SEPTIN9: variants seen among roughly 807,000 people sequenced by gnomAD.
SEPTIN9 encodes septin-9.
Under a neutral mutation model 56.6 loss-of-function variants are expected in SEPTIN9, and 13 were observed. The observed-to-expected ratio is 0.23, with a 90% CI of 0.15 to 0.37. The LOEUF (loss-of-function observed/expected upper bound fraction) is 0.37. Among genes scored for constraint, SEPTIN9 ranks in the 10% least tolerant of loss-of-function variants. The pLI is 1.00. For missense variants in SEPTIN9, 650 were observed against 823.1 expected, an observed-to-expected ratio of 0.79 and a Z score of 2.57; for synonymous variants, 332 against 334.1, an observed-to-expected ratio of 0.99 and a Z score of 0.07.
At position 77,425,394 on chromosome 17, in the gene SEPTIN9, C is replaced by T. The variant is rs1169358651; in HGVS notation, c.721+22691C>T. Among the ~76,000 whole-genome samples the T allele has an allele frequency of 3.9e-5, 6 of 152,164 alleles. No individual in the cohort carries two copies. The highest frequency in any genetic ancestry group is 5.9e-5 in the Non-Finnish European group (4 of 68,030). Reference sequence around the variant, plus strand: ...CCCGCACCTGAGGGCTTCAGAGGTCCGGGAGGGGGATGTGACCGTGTCCCC... The same window carrying T: ...CCCGCACCTGAGGGCTTCAGAGGTCTGGGAGGGGGATGTGACCGTGTCCCC... On this transcript the variant is annotated intron_variant, in intron 3 of 11. Transcript: ENST00000427177. This position sits in a 1 kb window ranked among gnomAD's most constrained non-coding sequence, Gnocchi z 4.2.
chr17:77,354,651 T>C lies in SEPTIN9; in HGVS notation c.77-47408T>C, dbSNP rs411864. ...GGCTCCCAGCAGCTGGGGTGGATCA[T>C]TTCTCCTCCCAAGAAGCTTTGGGAG... On this transcript the variant is annotated intron_variant, in intron 2 of 11. Transcript: ENST00000427177. Among the ~76,000 whole-genome samples, 649 of 152,152 alleles carry C rather than the reference T, an allele frequency of 4.3e-3. 6 individuals carry two copies. Among genetic ancestry groups the C allele is most frequent in the African/African-American group, 0.015 (614 of 41,522 alleles).
chr17:77,337,786 C>T lies in SEPTIN9; in HGVS notation c.76+30589C>T, dbSNP rs1161503962. ...TTTCAGGTAAGTTGTTGAATTTACT[C>T]ATTTAAAGTTGTTCGTAATACAAGC... On this transcript the variant is annotated intron_variant, in intron 2 of 11. Coordinates refer to ENST00000427177, the MANE Select transcript of SEPTIN9 (RefSeq NM_001113491.2). Among the ~76,000 whole-genome samples, 4 of 152,290 alleles carry T rather than the reference C, an allele frequency of 2.6e-5. No homozygotes were observed. In the East Asian group the frequency reaches 5.8e-4, roughly 22 times the overall value.
At chr17:77,388,810 C>CTTTTTTTTTTTTTTTTT (rs5822196) in intron 2 of SEPTIN9, among the ~76,000 whole-genome samples, 15 of 78,052 alleles carry the variant, frequency 1.9e-4, no homozygotes, top group African/African-American at 3.0e-4. Flanking sequence ...GTGTTAGGCG[C>CTTTTTTTTTTTTTTTTT]TTTTTTTTTT....
chr17:77,433,080 G>A lies in SEPTIN9; in HGVS notation c.721+30377G>A, dbSNP rs942204052. ...TGCTCCGACAGGATGCTTTTGGCCTGAGAGACAGAAACCCCAACTCTGAAT... is the reference window on the plus strand; with the variant it reads ...TGCTCCGACAGGATGCTTTTGGCCTAAGAGACAGAAACCCCAACTCTGAAT... On this transcript the variant is annotated intron_variant, in intron 3 of 11. Coordinates refer to ENST00000427177, the MANE Select transcript of SEPTIN9 (RefSeq NM_001113491.2). This position sits in a 1 kb window ranked among gnomAD's most constrained non-coding sequence, Gnocchi z 6.4. Among the ~76,000 whole-genome samples the A allele has an allele frequency of 2.6e-5, 4 of 152,206 alleles. No individual in the cohort carries two copies. The highest frequency in any genetic ancestry group is 5.9e-5 in the Non-Finnish European group (4 of 68,026).
intron 2 of SEPTIN9, among the ~76,000 whole-genome samples, chr17:77,386,134 A>G (rs1432655903): frequency 6.6e-6 from 1 of 152,198 alleles, no homozygotes; most frequent in East Asian, 1.9e-4. Context: ...TTCCCACGCA[A>G]GCAGCCATGC....
At chr17:77,283,803 G>A (rs1173424424) in intron 1 of SEPTIN9, among the ~76,000 whole-genome samples, 1 of 152,188 alleles carries the variant, frequency 6.6e-6, no homozygotes, top group African/African-American at 2.4e-5. Flanking sequence ...GACAGTCATC[G>A]AAGACACTTT....
chr17:77,297,623 C>G (rs1014667375), intron 1 of SEPTIN9, among the ~76,000 whole-genome samples: 1 of 152,228 alleles, frequency 6.6e-6, no homozygotes, highest in African/African-American at 2.4e-5. Context: ...ATCGTTCTTT[C>G]AGGCTCCTTC....
At chr17:77,299,990 G>A (rs1245441817) in intron 1 of SEPTIN9, among the ~76,000 whole-genome samples, 1 of 152,230 alleles carries the variant, frequency 6.6e-6, no homozygotes, top group Non-Finnish European at 1.5e-5. Flanking sequence ...GCCTCCTTTG[G>A]TTGGCATTTT....
In SEPTIN9 at chr17:77,445,433, G is replaced by A. The variant is rs1335055536; in HGVS notation, c.722-36711G>A. 2.1e-6 allele frequency: 1 copy of A among 470,222 alleles called. No homozygotes were observed. The highest frequency in any genetic ancestry group is 4.4e-6 in the Non-Finnish European group (1 of 226,946). The allele number at this position is 470,222 out of a possible 1,614,324, so 29.1% of individuals were successfully genotyped here. A position where few individuals can be genotyped will look rare whatever the true frequency, so the allele number is the denominator to read the frequency against. On this transcript the variant is annotated intron_variant, in intron 3 of 11. Transcript: ENST00000427177. This position sits in a 1 kb window ranked among gnomAD's most constrained non-coding sequence, Gnocchi z 4.7. The stretch of plus-strand genomic sequence containing the variant: ...AGAGTTGGCAGGAAGGCTGAGCTCT[G>A]TGCTCACAACCTGGCTTGGTGGTGG...
intron 3 of SEPTIN9, among the ~76,000 whole-genome samples, chr17:77,413,012 G>A (rs982560926): frequency 6.6e-6 from 1 of 151,910 alleles, no homozygotes; most frequent in African/African-American, 2.4e-5. Context: ...AATGTATTTT[G>A]GTTTCAGCAG....
chr17:77,351,612 C>T (rs1341232456), intron 2 of SEPTIN9, among the ~76,000 whole-genome samples: 1 of 152,194 alleles, frequency 6.6e-6, no homozygotes. Flanking sequence ...GGCCCCAGGG[C>T]CCTTGGAGGC....
At chr17:77,466,416 G>A (rs2038732402) in intron 3 of SEPTIN9, 2 of 985,444 alleles carry the variant, frequency 2.0e-6, no homozygotes, top group South Asian at 9.4e-5. Context: ...AAGGGCCTGG[G>A]AGGGGACAGG....
rs2033128251 is a variant in SEPTIN9 at position 77,326,075 on chromosome 17, C to T, written c.76+18878C>T. On this transcript the variant is annotated intron_variant, in intron 2 of 11. Transcript: ENST00000427177. This position sits in a 1 kb window ranked among gnomAD's most constrained non-coding sequence, Gnocchi z 5.1. ...AGCACTTGCCATCCTTATACAGCAC[C>T]CCACACCCACCTCCCCGCCTCCTAC... is the stretch of plus-strand genomic sequence containing the variant. 6.6e-6 allele frequency among the ~76,000 whole-genome samples: 1 copy of T among 152,090 alleles called. No homozygotes were observed.
At chr17:77,469,954 C>T in intron 3 of SEPTIN9, among the ~76,000 whole-genome samples, 1 of 150,356 alleles carries the variant, frequency 6.7e-6, no homozygotes, top group East Asian at 2.0e-4. Flanking sequence ...TGCCCATCCA[C>T]TCACCCACCC....
At chr17:77,336,313 C>T (rs2033552166) in intron 2 of SEPTIN9, among the ~76,000 whole-genome samples, 1 of 152,058 alleles carries the variant, frequency 6.6e-6, no homozygotes, top group Non-Finnish European at 1.5e-5. Context: ...ATCTGTAGAT[C>T]AATTAAGGAA....
intron 1 of SEPTIN9, among the ~76,000 whole-genome samples, chr17:77,306,432 C>T (rs954730334): frequency 7.2e-5 from 11 of 152,208 alleles, no homozygotes; most frequent in African/African-American, 2.7e-4. Flanking sequence ...GGCTTAGCAC[C>T]TCAGCAAATC....
In SEPTIN9 at chr17:77,405,209, A is replaced by G; in HGVS notation, c.721+2506A>G. The G allele has an allele frequency of 4.3e-6, 6 of 1,385,676 alleles. No individual in the cohort carries two copies. The South Asian group carries it at 5.0e-5, about 12-fold the overall frequency. 85.8% of individuals were successfully genotyped at this position (1,385,676 alleles called of 1,614,324 possible). Reference sequence around the variant, plus strand: ...GGGGCAGACACAGTTTAGCCCCTAAATTGTGCCAGAGACTGTGCCGGGAGC... The same window carrying G: ...GGGGCAGACACAGTTTAGCCCCTAAGTTGTGCCAGAGACTGTGCCGGGAGC... On this transcript the variant is annotated intron_variant, in intron 3 of 11. Transcript: ENST00000427177. The surrounding 1 kb of genome is among the most constrained non-coding windows in gnomAD (Gnocchi z 5.8).
chr17:77,313,862 C>G lies in SEPTIN9; in HGVS notation c.76+6665C>G, dbSNP rs1203234404. 1.3e-5 allele frequency among the ~76,000 whole-genome samples: 2 copies of G among 152,024 alleles called. No homozygotes were observed. Among genetic ancestry groups the G allele is most frequent in the Non-Finnish European group, 2.9e-5 (2 of 68,002 alleles). Reference sequence around the variant, plus strand: ...CCTCCTGCCTTAGCCTCCTAAGTAGCTGGGACTACAGTTGTGCGCCACCAT... The same window carrying G: ...CCTCCTGCCTTAGCCTCCTAAGTAGGTGGGACTACAGTTGTGCGCCACCAT... On this transcript the variant is annotated intron_variant, in intron 2 of 11. Coordinates refer to ENST00000427177, the MANE Select transcript of SEPTIN9 (RefSeq NM_001113491.2). The surrounding 1 kb of genome is among the most constrained non-coding windows in gnomAD (Gnocchi z 4.5).
At chr17:77,359,045 C>T (rs943529431) in intron 2 of SEPTIN9, among the ~76,000 whole-genome samples, 2 of 152,172 alleles carry the variant, frequency 1.3e-5, no homozygotes, top group African/African-American at 4.8e-5. Flanking sequence ...TGCACTCCAG[C>T]CAGAGGGAAG....
Sources: allele counts gnomAD v4.1 joint callset (sites outside exome capture counted in the v4.1 genomes callset), GRCh38; gene constraint gnomAD v4.1.1; non-coding constraint Gnocchi (gnomAD v3.1); transcripts MANE v1.5; gene names NCBI Gene and HGNC (gene_info 2026-07-23, HGNC 2026-07-21).